Variants in DOP1A observed in about 807,000 individuals in gnomAD.
The protein encoded by DOP1A is protein DOP1A.
A neutral mutation model predicts 267.6 loss-of-function variants in DOP1A; 90 were observed. That is an observed-to-expected ratio of 0.34 (90% confidence interval 0.28 to 0.40). The LOEUF (loss-of-function observed/expected upper bound fraction) is 0.40. DOP1A is among the 10% of genes least tolerant of loss of function. The pLI, the probability that DOP1A is intolerant of heterozygous loss-of-function variation, is 1.00. For synonymous variants in DOP1A, 932 were observed against 999.1 expected, an observed-to-expected ratio of 0.93 and a Z score of 1.27; for missense variants, 2,437 against 2,900.4, an observed-to-expected ratio of 0.84 and a Z score of 3.67.
intron 1 of DOP1A, among the ~76,000 whole-genome samples, chr6:83,072,141 C>T (rs1326245506): frequency 1.3e-5 from 2 of 152,114 alleles, no homozygotes; most frequent in Admixed American, 1.3e-4. Flanking sequence ...TATGAACATA[C>T]TGGAAAATAA....
chr6:83,131,856 C>A (rs1462350400), intron 17 of DOP1A, among the ~76,000 whole-genome samples: 1 of 152,116 alleles, frequency 6.6e-6, no homozygotes, highest in Non-Finnish European at 1.5e-5. Context: ...AGGCTGGTCT[C>A]AAACTCCTGA....
At chr6:83,156,193 A>AT in intron 34 of DOP1A, 90 bp downstream of exon 34, 2 of 1,046,322 alleles carry the variant, frequency 1.9e-6, no homozygotes, top group Non-Finnish European at 2.7e-6. Context: ...TTGGGGTAAA[A>AT]TATATCAAGT....
In DOP1A at chr6:83,138,722, A is replaced by C; in HGVS notation, c.4680A>C (p.Ser1560=). The change falls in exon 21 of 39, where the codon TCA becomes TCC. Residue 1560 remains serine (S), a synonymous_variant. Coordinates refer to ENST00000349129, the MANE Select transcript of DOP1A (RefSeq NM_015018.4). ...TGGTTGCTGTGGAAGAAGGTTTCTC[A>C]GAGGACAGCCTTATTAATTTCTCAG... is the stretch of plus-strand genomic sequence containing the variant. ...KNLVAVEEGF[S]EDSLINFSED... is the part of the protein sequence containing the mutation. The C allele has an allele frequency of 6.2e-7, 1 of 1,614,078 alleles. No homozygotes were observed. The highest frequency in any genetic ancestry group is 8.5e-7 in the Non-Finnish European group (1 of 1,179,950).
intron 38 of DOP1A, among the ~76,000 whole-genome samples, chr6:83,164,358 A>G (rs1395128339): frequency 6.6e-6 from 1 of 151,804 alleles, no homozygotes; most frequent in Non-Finnish European, 1.5e-5. Flanking sequence ...GGTACTTTCA[A>G]TTTGATATCT....
chr6:83,083,239 T>C (rs1161487424), intron 1 of DOP1A, among the ~76,000 whole-genome samples: 1 of 152,168 alleles, frequency 6.6e-6, no homozygotes. Flanking sequence ...TGAGTTGAGC[T>C]TTGGTCCCTG....
At chr6:83,158,151 A>G (rs1783261887) in intron 35 of DOP1A, among the ~76,000 whole-genome samples, 1 of 152,004 alleles carries the variant, frequency 6.6e-6, no homozygotes, top group Non-Finnish European at 1.5e-5. Context: ...GGCACCTGCC[A>G]CCACACCCAG....
At position 83,159,620 on chromosome 6, in the gene DOP1A, A is replaced by G. The variant is rs556032860; in HGVS notation, c.6798-176A>G. 2.6e-5 allele frequency: 19 copies of G among 727,430 alleles called. No homozygotes were observed. In the East Asian group the frequency reaches 5.1e-4, roughly 20 times the overall value. The allele number at this position is 727,430 out of a possible 1,614,324, so 45.1% of individuals were successfully genotyped here. ...TACTGTTTTTGCATTCTCAAAGAAG[A>G]AAAGTGAATTTTTGATTTGAAAACA... On this transcript the variant is annotated intron_variant, in intron 36 of 38. Transcript: ENST00000349129.
chr6:83,162,724 T>C (rs1305203221), intron 37 of DOP1A, 66 bp from the exon 38 acceptor site: 46 of 1,510,732 alleles, frequency 3.0e-5, no homozygotes, highest in Non-Finnish European at 4.1e-5. Context: ...TACTACATTA[T>C]GTGGCCTAAT....
Position 83,148,706 on chromosome 6 carries a change from A to G in DOP1A, c.5733-53A>G, listed in dbSNP as rs1781014597. 6.7e-6 allele frequency: 8 copies of G among 1,201,328 alleles called. No individual in the cohort carries two copies. In the East Asian group the frequency reaches 1.7e-4, roughly 25 times the overall value. The allele number at this position is 1,201,328 out of a possible 1,614,324, so 74.4% of individuals were successfully genotyped here. On this transcript the variant is annotated intron_variant, in intron 26 of 38. Coordinates refer to ENST00000349129, the MANE Select transcript of DOP1A (RefSeq NM_015018.4). Reference sequence around the variant, plus strand: ...AAATTTAGAGAATGTTCCACAAACTAGTAGAAAACCATAGTTTATTGTGGC... The same window carrying G: ...AAATTTAGAGAATGTTCCACAAACTGGTAGAAAACCATAGTTTATTGTGGC...
At chr6:83,081,746 GAGAC>G (rs1768112824) in intron 1 of DOP1A, among the ~76,000 whole-genome samples, 1 of 152,158 alleles carries the variant, frequency 6.6e-6, no homozygotes, top group Non-Finnish European at 1.5e-5. Context: ...GCAGAGTAAA[GAGAC>G]AACCTACTTA....
downstream of DOP1A, chr6:83,171,192 G>C (rs1289376448): frequency 6.6e-6 from 1 of 151,906 alleles, no homozygotes; most frequent in African/African-American, 2.4e-5. Flanking sequence ...ATATACAAAA[G>C]AGTATTGGGA....
At chr6:83,124,128 CTATAT>C (rs1776758830) in intron 12 of DOP1A, among the ~76,000 whole-genome samples, 1 of 151,908 alleles carries the variant, frequency 6.6e-6, no homozygotes, top group South Asian at 2.1e-4. Context: ...TGGTCAGGGA[CTATAT>C]TATATTCTTA....
At chr6:83,164,823 G>A (rs1785073944) in intron 38 of DOP1A, 2 of 870,846 alleles carry the variant, frequency 2.3e-6, no homozygotes, top group Admixed American at 5.7e-5. Context: ...AGGTAAACAG[G>A]AAGGAAGTCT....
chr6:83,153,477 C>A, intron 30 of DOP1A, 34 bp from the exon 31 acceptor site: 1 of 1,422,052 alleles, frequency 7.0e-7, no homozygotes, highest in Non-Finnish European at 9.7e-7. Flanking sequence ...AGTTTCACCT[C>A]ATATGTTACT....
chr6:83,145,459 C>T, intron 24 of DOP1A, 65 bp from the exon 25 acceptor site: 1 of 1,336,040 alleles, frequency 7.5e-7, no homozygotes, highest in Non-Finnish European at 1.0e-6. Context: ...AAAATACTCT[C>T]TTCTGTAACT....
At chr6:83,107,573 G>A (rs1163441927) in intron 4 of DOP1A, among the ~76,000 whole-genome samples, 1 of 152,194 alleles carries the variant, frequency 6.6e-6, no homozygotes, top group Non-Finnish European at 1.5e-5. Context: ...TTTACAGTCC[G>A]TTGGAAGAGA....
chr6:83,139,987 C>G lies in DOP1A; in HGVS notation c.5121-13C>G. On this transcript the variant is annotated splice_polypyrimidine_tract_variant and intron_variant, in intron 21 of 38. Transcript: ENST00000349129. ...CATAAAACTTGTGTTTAAATGAATGCATTTTACTTCAGGCCTCTGTGGATG... is the reference window on the plus strand; with the variant it reads ...CATAAAACTTGTGTTTAAATGAATGGATTTTACTTCAGGCCTCTGTGGATG... 6.4e-7 allele frequency: 1 copy of G among 1,568,182 alleles called. No homozygotes were observed. Among genetic ancestry groups the G allele is most frequent in the South Asian group, 1.1e-5 (1 of 89,556 alleles).
chr6:83,140,488 T>C, intron 23 of DOP1A, 85 bp downstream of exon 23: 2 of 1,151,978 alleles, frequency 1.7e-6, no homozygotes, highest in Non-Finnish European at 2.4e-6. Context: ...GAATAATTTG[T>C]GTAGTATTTA....
chr6:83,149,442 T>C (rs908902515), intron 27 of DOP1A, among the ~76,000 whole-genome samples: 4 of 152,174 alleles, frequency 2.6e-5, no homozygotes, highest in African/African-American at 4.8e-5. Context: ...AGAAAGCCTT[T>C]GTGAAACAGG....
Sources: allele counts gnomAD v4.1 joint callset (sites outside exome capture counted in the v4.1 genomes callset), GRCh38; gene constraint gnomAD v4.1.1; transcripts MANE v1.5; gene names NCBI Gene and HGNC (gene_info 2026-07-23, HGNC 2026-07-21).